Variants in SPAG5 observed in about 807,000 individuals in gnomAD.
The protein encoded by SPAG5 is sperm associated antigen 5.
In SPAG5, 99 loss-of-function variants were observed where a neutral mutation model predicts 145.4. The ratio of observed to expected loss-of-function variants is 0.68; its 90% CI spans 0.58 to 0.80. SPAG5 has a LOEUF of 0.80. Ranked by LOEUF, SPAG5 falls within the 30% of genes least tolerant of loss-of-function variation. The probability of loss-of-function intolerance (pLI) is 0.00; values close to 1 mark genes in which losing one functional copy is unlikely to be tolerated. For synonymous variants in SPAG5, 477 were observed against 525.4 expected, an observed-to-expected ratio of 0.91 and a Z score of 1.26; for missense variants, 1,192 against 1,416.0, an observed-to-expected ratio of 0.84 and a Z score of 2.54.
In SPAG5 at chr17:28,591,978, T is replaced by C. The variant is rs764822192; in HGVS notation, c.1262+4A>G. On this transcript the variant is annotated splice_donor_region_variant and intron_variant, in intron 3 of 23. Coordinates refer to ENST00000321765, the MANE Select transcript of SPAG5 (RefSeq NM_006461.4). ...ACGAGGTGCAAGGACATAGGGGCGC[T>C]TACCCACACAGGAGCTGCTCTGTCT... 17 of 1,613,240 alleles carry C rather than the reference T, an allele frequency of 1.1e-5. No homozygotes were observed. The Admixed American group carries it at 2.8e-4, about 27-fold the overall frequency.
chr17:28,584,055 C>T, intron 13 of SPAG5, 69 bp from the exon 14 acceptor site: 1 of 1,608,258 alleles, frequency 6.2e-7, no homozygotes, highest in Non-Finnish European at 8.5e-7. Flanking sequence ...GAGGCTTTTT[C>T]TAGTTCACAG....
At chr17:28,590,531 C>T (rs1173678196) in intron 4 of SPAG5, among the ~76,000 whole-genome samples, 3 of 152,062 alleles carry the variant, frequency 2.0e-5, no homozygotes, top group Non-Finnish European at 4.4e-5. Context: ...TGCCAGCTGA[C>T]TCCTTTCCAT....
intron 4 of SPAG5, among the ~76,000 whole-genome samples, chr17:28,586,778 G>A (rs1012278776): frequency 3.3e-5 from 5 of 151,584 alleles, no homozygotes; most frequent in East Asian, 2.0e-4. Flanking sequence ...GTGATCCACC[G>A]ACTCGGCCTC....
intron 2 of SPAG5, among the ~76,000 whole-genome samples, chr17:28,594,326 T>C (rs1008578524): frequency 2.0e-5 from 3 of 152,372 alleles, no homozygotes; most frequent in African/African-American, 7.2e-5. Context: ...CCGGGCGCAG[T>C]GGCTCACGCC....
Position 28,599,003 on chromosome 17 carries a change from A to C in SPAG5, c.-57T>G, listed in dbSNP as rs1597601008. The C allele has an allele frequency of 6.4e-7, 1 of 1,558,718 alleles. No individual in the cohort carries two copies. Among genetic ancestry groups the C allele is most frequent in the Non-Finnish European group, 8.8e-7 (1 of 1,130,504 alleles). On this transcript the variant is annotated 5_prime_UTR_variant, in exon 1 of 24. Coordinates refer to ENST00000321765, the MANE Select transcript of SPAG5 (RefSeq NM_006461.4). ...AGACCAAGTCGAGGACGCCATGTTCACCCGCCGTCTGTGTTTGAACCTGCT... is the reference window on the plus strand; with the variant it reads ...AGACCAAGTCGAGGACGCCATGTTCCCCCGCCGTCTGTGTTTGAACCTGCT...
intron 2 of SPAG5, among the ~76,000 whole-genome samples, chr17:28,593,758 C>A (rs538284045): frequency 6.6e-5 from 10 of 151,928 alleles, no homozygotes; most frequent in African/African-American, 2.4e-4. Flanking sequence ...AAAAGGTAGA[C>A]CCTAACAAAA....
chr17:28,588,112 G>T (rs1318485355), intron 4 of SPAG5, among the ~76,000 whole-genome samples: 1 of 152,218 alleles, frequency 6.6e-6, no homozygotes, highest in African/African-American at 2.4e-5. Flanking sequence ...GGAGTTCATG[G>T]CTCCCTTCCC....
chr17:28,586,551 A>C, intron 4 of SPAG5, 52 bp from the exon 5 acceptor site: 2 of 1,466,072 alleles, frequency 1.4e-6, no homozygotes, highest in Non-Finnish European at 1.9e-6. Flanking sequence ...TTTGTTTTTG[A>C]GACAGAGTCT....
intron 14 of SPAG5, 47 bp downstream of exon 14, chr17:28,583,806 A>G (rs2151520258): frequency 1.9e-6 from 3 of 1,578,944 alleles, no homozygotes; most frequent in African/African-American, 2.7e-5. Context: ...TGTTCCTGAG[A>G]AAAAAATAAG....
intron 1 of SPAG5, 120 bp downstream of exon 1, chr17:28,598,776 C>A: frequency 6.6e-7 from 1 of 1,512,072 alleles, no homozygotes. Flanking sequence ...GCAAGGCGAA[C>A]AAAGACTCCA....
intron 4 of SPAG5, among the ~76,000 whole-genome samples, chr17:28,586,885 C>T (rs1273058908): frequency 1.3e-5 from 2 of 152,106 alleles, no homozygotes; most frequent in East Asian, 3.8e-4. Flanking sequence ...TTCTTCCTCC[C>T]ACCCAGTGAG....
chr17:28,585,838 C>G (rs766069719), intron 7 of SPAG5, 26 bp downstream of exon 7: 15 of 1,614,050 alleles, frequency 9.3e-6, no homozygotes, highest in Middle Eastern at 1.6e-4. Flanking sequence ...CCTCCCACAT[C>G]CAAGAACAAA....
Position 28,592,088 on chromosome 17 carries a change from TC to T in SPAG5, c.1155del (p.Thr386LeufsTer41). The part of the protein sequence containing the change: ...GTTPFSTCSV[G>X]TWFTPSAPQE... ...TGTGGTGCTGAAGGAGTAAACCAAG[TC>T]CCCACCGAGCAAGTAGAGAAAGGGG... On this transcript the variant is annotated frameshift_variant, in exon 3 of 24. Transcript: ENST00000321765. LOFTEE classifies it high-confidence loss of function. 1 of 1,613,610 alleles carries T rather than the reference TC, an allele frequency of 6.2e-7. No individual in the cohort carries two copies. The highest frequency in any genetic ancestry group is 8.5e-7 in the Non-Finnish European group (1 of 1,179,890).
At chr17:28,584,791 A>T in intron 10 of SPAG5, 46 bp from the exon 11 acceptor site, 1 of 1,408,376 alleles carries the variant, frequency 7.1e-7, no homozygotes, top group South Asian at 1.2e-5. Context: ...TCCTGAATCA[A>T]TAATCCCAGG....
chr17:28,586,197 A>C lies in SPAG5; in HGVS notation c.1513-15T>G. ...ACCCATGATTGCTGTAGAGAAAAAA[A>C]TGGGTAGGTGAGATCAAATAAAGTC... On this transcript the variant is annotated splice_polypyrimidine_tract_variant and intron_variant, in intron 5 of 23. Transcript: ENST00000321765. The C allele has an allele frequency of 1.2e-6, 2 of 1,604,906 alleles. No individual in the cohort carries two copies. The highest frequency in any genetic ancestry group is 1.7e-6 in the Non-Finnish European group (2 of 1,171,716).
In SPAG5 at chr17:28,591,743, T is replaced by C. The variant is rs776626342; in HGVS notation, c.1392A>G (p.Pro464=). ...TCTGTGTGCTACTGTCCTGGGTTTCTGGGTGAGGGACAGCCAGCTGGCTCT... is the reference window on the plus strand; with the variant it reads ...TCTGTGTGCTACTGTCCTGGGTTTCCGGGTGAGGGACAGCCAGCTGGCTCT... ...DWKSQLAVPH[P]ETQDSSTQTD... is the part of the protein sequence containing the mutation. Residue 464 remains proline, a synonymous_variant, in exon 4 of 24, where the codon CCA becomes CCG. Coordinates refer to ENST00000321765, the MANE Select transcript of SPAG5 (RefSeq NM_006461.4). 3 of 1,614,148 alleles carry C rather than the reference T, an allele frequency of 1.9e-6. No individual in the cohort carries two copies. The South Asian group carries it at 3.3e-5, about 18-fold the overall frequency.
intron 4 of SPAG5, among the ~76,000 whole-genome samples, chr17:28,591,163 G>A (rs1472983014): frequency 6.6e-6 from 1 of 152,170 alleles, no homozygotes; most frequent in Non-Finnish European, 1.5e-5. Context: ...AAGAATACTT[G>A]TGGAAGATGA....
At chr17:28,596,003 C>T (rs1253806335) in intron 2 of SPAG5, among the ~76,000 whole-genome samples, 1 of 151,832 alleles carries the variant, frequency 6.6e-6, no homozygotes, top group Non-Finnish European at 1.5e-5. Context: ...CCCTAGATGG[C>T]ACCACTGCAC....
rs143207089 is a variant in SPAG5 at position 28,585,359 on chromosome 17, G to T, written c.1913C>A (p.Thr638Asn). ...CCTCCAGTCTTGTTGCAAGGTAGAA[G>T]TAAGACTCACTGTCTGCTGAACCAG... ...EELVQQTVSLTSTLQQDWRSM... is the reference protein window; with the variant it reads ...EELVQQTVSLNSTLQQDWRSM... The change falls in exon 9 of 24, where the codon ACT becomes AAT. Residue 638 changes from threonine to asparagine, a missense_variant. This residue lies in a region of SPAG5 where 709 missense variants were observed against 840.7 expected (regional missense o/e 0.84). Transcript: ENST00000321765. 6.2e-7 allele frequency: 1 copy of T among 1,614,096 alleles called. No homozygotes were observed. Among genetic ancestry groups the T allele is most frequent in the Non-Finnish European group, 8.5e-7 (1 of 1,180,018 alleles).
Sources: allele counts gnomAD v4.1 joint callset (sites outside exome capture counted in the v4.1 genomes callset), GRCh38; gene constraint gnomAD v4.1.1; regional missense constraint gnomAD v4.1.1; transcripts MANE v1.5; gene names NCBI Gene and HGNC (gene_info 2026-07-23, HGNC 2026-07-21).